The following HGD variants were observed in gnomAD, a reference collection of about 807,000 sequenced individuals.
The protein encoded by HGD is homogentisate oxidase.
A neutral mutation model predicts 60.8 loss-of-function variants in HGD; 61 were observed. The ratio of observed to expected loss-of-function variants is 1.00; its 90% CI spans 0.82 to 1.24. The LOEUF is 1.24. Ranked by LOEUF, HGD falls within the 50% of genes most tolerant of loss-of-function variation. The probability of loss-of-function intolerance (pLI) is 0.00; values close to 1 mark genes in which losing one functional copy is unlikely to be tolerated. For synonymous variants in HGD, 212 were observed against 187.7 expected (o/e 1.13, Z -1.06); for missense variants, 542 against 547.1 (o/e 0.99, Z 0.09).
At chr3:120,649,579 G>A (rs1014359823) in intron 6 of HGD, among the ~76,000 whole-genome samples, 2 of 152,032 alleles carry the variant, frequency 1.3e-5, no homozygotes, top group South Asian at 2.1e-4. Context: ...GCTTGCCTGC[G>A]CATTCGTGTG....
Position 120,653,875 on chromosome 3 carries a change from T to C in HGD, c.283-1224A>G, listed in dbSNP as rs1038067779. On this transcript the variant is annotated intron_variant, in intron 4 of 13. Transcript: ENST00000283871. ...TTGTGGGGAGGTGTTCTGTGCATTGTGGGATGCTTAGCATCATCCATGGCC... is the reference window on the plus strand; with the variant it reads ...TTGTGGGGAGGTGTTCTGTGCATTGCGGGATGCTTAGCATCATCCATGGCC... 2.2e-4 allele frequency among the ~76,000 whole-genome samples: 34 copies of C among 152,208 alleles called. 1 individual carries two copies. The highest frequency in any genetic ancestry group is 1.0e-4 in the Non-Finnish European group (7 of 68,048).
chr3:120,646,744 G>C (rs1941177477), intron 8 of HGD, among the ~76,000 whole-genome samples: 2 of 151,988 alleles, frequency 1.3e-5, no homozygotes, highest in African/African-American at 4.8e-5. Context: ...ATTTAGGAAA[G>C]TGCAATGACA....
At position 120,656,169 on chromosome 3, in the gene HGD, TA is replaced by T. The variant is rs571828952; in HGVS notation, c.283-3519del. On this transcript the variant is annotated intron_variant, in intron 4 of 13. Coordinates refer to ENST00000283871, the MANE Select transcript of HGD (RefSeq NM_000187.4). ...AGGATACAGTAAGAAGGACTGTCTTTAAACCAAAGAGGAGCCTCACAAGACA... is the reference window on the plus strand; with the variant it reads ...AGGATACAGTAAGAAGGACTGTCTTTAACCAAAGAGGAGCCTCACAAGACA... Among the ~76,000 whole-genome samples, 39 of 152,298 alleles carry T rather than the reference TA, an allele frequency of 2.6e-4. No individual in the cohort carries two copies. In the East Asian group the frequency reaches 7.2e-3, roughly 28 times the overall value.
chr3:120,647,128 G>A (rs1048979660), intron 7 of HGD, 76 bp from the exon 8 acceptor site: 4 of 1,132,490 alleles, frequency 3.5e-6, no homozygotes, highest in Non-Finnish European at 5.4e-6. Context: ...AAAGGCTTAA[G>A]GCTGCATTTG....
At chr3:120,638,604 T>G in intron 11 of HGD, 23 bp from the exon 12 acceptor site, 1 of 1,613,336 alleles carries the variant, frequency 6.2e-7, no homozygotes, top group South Asian at 1.1e-5. Flanking sequence ...AAGGAGAGAC[T>G]GAACGCATGA....
intron 13 of HGD, among the ~76,000 whole-genome samples, chr3:120,629,610 C>T (rs981179561): frequency 6.6e-6 from 1 of 152,072 alleles, no homozygotes; most frequent in African/African-American, 2.4e-5. Flanking sequence ...ATAAACTAGG[C>T]ATTGAAGGAA....
intron 4 of HGD, among the ~76,000 whole-genome samples, chr3:120,667,112 C>CCCAGGAGTTCGAGA (rs1707915200): frequency 2.0e-5 from 3 of 151,592 alleles, no homozygotes; most frequent in African/African-American, 7.3e-5. Context: ...ATTGCTTGAG[C>CCCAGGAGTTCGAGA]CCAGGAGTTC....
chr3:120,682,014 A>G, intron 1 of HGD, 83 bp downstream of exon 1: 1 of 1,332,290 alleles, frequency 7.5e-7, no homozygotes, highest in East Asian at 2.3e-5. Flanking sequence ...AGTCTTTTCC[A>G]ACTCTGATAC....
At chr3:120,630,798 TTATATATATATATA>T (rs61375071) in intron 13 of HGD, among the ~76,000 whole-genome samples, 1 of 88,028 alleles carries the variant, frequency 1.1e-5, no homozygotes, top group Non-Finnish European at 2.1e-5. Context: ...CTTAAGAGCT[TTATATATATATATA>T]TATATATATA....
intron 4 of HGD, among the ~76,000 whole-genome samples, chr3:120,663,271 T>C (rs1323236246): frequency 6.6e-6 from 1 of 151,730 alleles, no homozygotes; most frequent in Non-Finnish European, 1.5e-5. Flanking sequence ...AGAGGGGAGA[T>C]GATGACAAGG....
At chr3:120,641,551 T>C (rs755869108) in intron 11 of HGD, 38 bp downstream of exon 11, 1 of 1,311,586 alleles carries the variant, frequency 7.6e-7, no homozygotes, top group Non-Finnish European at 1.1e-6. Context: ...CACCCAAGCG[T>C]TGCCTCATCC....
chr3:120,649,139 C>CTTTTTTTTTTTTTTTTTTTTTT (rs10572267), intron 6 of HGD, among the ~76,000 whole-genome samples: 1 of 94,422 alleles, frequency 1.1e-5, no homozygotes, highest in African/African-American at 3.7e-5. Flanking sequence ...TCTTCTTTTT[C>CTTTTTTTTTTTTTTTTTTTTTT]TTTTTTTTTT....
intron 4 of HGD, among the ~76,000 whole-genome samples, chr3:120,656,645 G>C (rs1941506682): frequency 6.6e-6 from 1 of 152,148 alleles, no homozygotes. Context: ...TCCACCTCCT[G>C]GGTTCAAGCG....
At chr3:120,660,757 G>A (rs1941637595) in intron 4 of HGD, among the ~76,000 whole-genome samples, 2 of 152,280 alleles carry the variant, frequency 1.3e-5, no homozygotes, top group South Asian at 4.1e-4. Flanking sequence ...CCCAAGAGGA[G>A]GAGATTGCAG....
At chr3:120,667,180 G>C (rs542212114) in intron 4 of HGD, among the ~76,000 whole-genome samples, 8 of 151,848 alleles carry the variant, frequency 5.3e-5, no homozygotes, top group African/African-American at 1.9e-4. Context: ...CAAAAAATTA[G>C]CTGGCCATTG....
intron 3 of HGD, among the ~76,000 whole-genome samples, chr3:120,671,237 C>T (rs533071970): frequency 9.2e-5 from 14 of 152,218 alleles, no homozygotes; most frequent in South Asian, 4.1e-4. Flanking sequence ...ATACTAACAA[C>T]GTGTGAGAGT....
chr3:120,667,401 G>A (rs1707926070), intron 4 of HGD, among the ~76,000 whole-genome samples: 1 of 148,326 alleles, frequency 6.7e-6, no homozygotes, highest in African/African-American at 2.5e-5. Flanking sequence ...CCATGGATAT[G>A]TCACACGAAC....
At chr3:120,641,715 G>A (rs1364560812) in intron 10 of HGD, 22 bp from the exon 11 acceptor site, 1 of 1,522,608 alleles carries the variant, frequency 6.6e-7, no homozygotes, top group Non-Finnish European at 9.1e-7. Flanking sequence ...AAGCAGGAAA[G>A]GATAATTTTA....
Position 120,682,131 on chromosome 3 carries a change from T to C in HGD, c.-20A>G. On this transcript the variant is annotated 5_prime_UTR_variant, in exon 1 of 14. Transcript: ENST00000283871. ...AGCCATTTTCTCTCTCCTCTATGTG[T>C]GGTGACTTCAGGAAACCCAGGCCCA... 8.1e-6 allele frequency: 13 copies of C among 1,613,678 alleles called. No individual in the cohort carries two copies. Among genetic ancestry groups the C allele is most frequent in the African/African-American group, 1.3e-5 (1 of 75,036 alleles).
Sources: gnomAD v4.1 joint callset for allele counts (sites outside exome capture counted in the v4.1 genomes callset) on GRCh38, gnomAD v4.1.1 for gene constraint, MANE v1.5 for transcripts, NCBI Gene and HGNC (gene_info 2026-07-23, HGNC 2026-07-21) for gene names.